KATNA1: variants seen among roughly 807,000 people sequenced by gnomAD.
The protein encoded by KATNA1 is katanin p60 ATPase-containing subunit A1.
In KATNA1, 42 loss-of-function variants were observed where a neutral mutation model predicts 62.6. The observed-to-expected ratio is 0.67, with a 90% CI of 0.52 to 0.87. The LOEUF (loss-of-function observed/expected upper bound fraction) is 0.87, where lower values mean the gene tolerates loss of function less well. Ranked by LOEUF, KATNA1 falls within the 40% of genes least tolerant of loss-of-function variation. KATNA1 has a pLI of 0.00. For missense variants in KATNA1, 498 were observed against 612.5 expected (o/e 0.81, Z 1.97); for synonymous variants, 186 against 201.9 (o/e 0.92, Z 0.67).
Position 149,623,266 on chromosome 6 carries a change from C to T in KATNA1, c.338G>A (p.Arg113Lys). The T allele has an allele frequency of 6.3e-7, 1 of 1,599,000 alleles. No homozygotes were observed. Residue 113 changes from arginine to lysine, a missense_variant, in exon 4 of 11, where the codon AGA (arginine) becomes AAA (lysine). Physicochemically the swap from Arg to Lys is conservative, Grantham distance 26 (BLOSUM62 2). Around this residue, in one of 3 missense-constraint regions of KATNA1, gnomAD observed 203 missense variants for 198.4 expected, o/e 1.02. Transcript: ENST00000367411. ...ACTGTACTGAGAAGATTGGCGTTTT[C>T]TAGGTCCTGGTGAGGGTCTAATCAA... ...PVERRPSPGP[R>K]KRQSSQYSDP...
At chr6:149,616,588 C>T (rs1252926088) in intron 4 of KATNA1, among the ~76,000 whole-genome samples, 1 of 152,090 alleles carries the variant, frequency 6.6e-6, no homozygotes, top group Non-Finnish European at 1.5e-5. Context: ...GGTGAAACCC[C>T]ATCTCTACTA....
At chr6:149,625,578 CG>C (rs1448926553) in intron 3 of KATNA1, among the ~76,000 whole-genome samples, 1 of 151,826 alleles carries the variant, frequency 6.6e-6, no homozygotes, top group African/African-American at 2.4e-5. Flanking sequence ...TGCAGTCAGC[CG>C]AGATTGCACC....
intron 3 of KATNA1, among the ~76,000 whole-genome samples, chr6:149,626,067 T>A (rs1414056446): frequency 6.6e-6 from 1 of 152,208 alleles, no homozygotes; most frequent in Non-Finnish European, 1.5e-5. Flanking sequence ...TTTCTGTGTA[T>A]GTATTTTTCC....
chr6:149,645,456 C>CAAAAAAAAAA, intron 1 of KATNA1, among the ~76,000 whole-genome samples: 1 of 123,786 alleles, frequency 8.1e-6, no homozygotes, highest in African/African-American at 3.0e-5. Flanking sequence ...AAACAAAAAA[C>CAAAAAAAAAA]AAAAAAAAAA....
chr6:149,633,420 T>G (rs1388886084), intron 2 of KATNA1, among the ~76,000 whole-genome samples: 1 of 152,042 alleles, frequency 6.6e-6, no homozygotes, highest in Non-Finnish European at 1.5e-5. Context: ...AATTGCAAAA[T>G]TAATTCTGAT....
In KATNA1 at chr6:149,643,110, G is replaced by C. The variant is rs867617083; in HGVS notation, c.-13-4550C>G. ...CTCCACAGAGTGAGCTGCCTGGGCA[G>C]AGGCTCATGTGGCAAAGAGCTGAGG... On this transcript the variant is annotated intron_variant, in intron 1 of 10. Coordinates refer to ENST00000367411, the MANE Select transcript of KATNA1 (RefSeq NM_007044.4). Among the ~76,000 whole-genome samples the C allele has an allele frequency of 5.3e-5, 8 of 152,374 alleles. No individual in the cohort carries two copies. The South Asian group carries it at 1.7e-3, about 32-fold the overall frequency.
intron 1 of KATNA1, among the ~76,000 whole-genome samples, chr6:149,643,914 C>T (rs1278865728): frequency 6.6e-6 from 1 of 151,786 alleles, no homozygotes; most frequent in African/African-American, 2.4e-5. Context: ...TCTTGAACTC[C>T]TGGGCTCAAG....
At chr6:149,636,717 T>C (rs1406745031) in intron 2 of KATNA1, among the ~76,000 whole-genome samples, 4 of 151,796 alleles carry the variant, frequency 2.6e-5, no homozygotes, top group Admixed American at 2.6e-4. Context: ...CTCGGCTCAC[T>C]GCAACCTCTG....
chr6:149,638,274 C>A, intron 2 of KATNA1, 112 bp downstream of exon 2: 1 of 1,018,196 alleles, frequency 9.8e-7, no homozygotes, highest in South Asian at 1.5e-5. Context: ...GTGTACTGTG[C>A]TCGGTAGTCA....
At chr6:149,638,129 C>G (rs1240641453) in intron 2 of KATNA1, among the ~76,000 whole-genome samples, 1 of 152,132 alleles carries the variant, frequency 6.6e-6, no homozygotes, top group Admixed American at 6.6e-5. Context: ...GCACACACCA[C>G]CACATCTGGC....
chr6:149,596,923 A>G (rs1778339044), intron 10 of KATNA1, 140 bp downstream of exon 10: 3 of 720,734 alleles, frequency 4.2e-6, no homozygotes, highest in Non-Finnish European at 6.8e-6. Flanking sequence ...CAGGAGTTTC[A>G]GGCTGCAGTA....
chr6:149,645,865 C>CAAAA (rs1277448436), intron 1 of KATNA1, among the ~76,000 whole-genome samples: 1 of 151,686 alleles, frequency 6.6e-6, no homozygotes, highest in Non-Finnish European at 1.5e-5. Flanking sequence ...GCTGTCTCTC[C>CAAAA]ACAGAGAAAG....
intron 2 of KATNA1, among the ~76,000 whole-genome samples, chr6:149,634,103 T>C (rs2114612606): frequency 1.3e-5 from 2 of 151,658 alleles, no homozygotes; most frequent in Non-Finnish European, 2.9e-5. Context: ...TGAAACCCCA[T>C]CTCTATTAAA....
chr6:149,621,346 G>A (rs1010857263), intron 4 of KATNA1, among the ~76,000 whole-genome samples: 1 of 151,518 alleles, frequency 6.6e-6, no homozygotes, highest in Non-Finnish European at 1.5e-5. Flanking sequence ...GGATGGTCTC[G>A]ATCTCCTGAC....
Position 149,599,737 on chromosome 6 carries a change from C to T in KATNA1, c.889-1387G>A, listed in dbSNP as rs200452673. 5.9e-5 allele frequency among the ~76,000 whole-genome samples: 9 copies of T among 151,940 alleles called. 1 individual carries two copies. The highest frequency in any genetic ancestry group is 1.0e-4 in the Non-Finnish European group (7 of 67,966). ...TTCATCATGTTGGCCAGGCTGGTCT[C>T]GAACTCCTGACCTCAAGTGATCTGC... On this transcript the variant is annotated intron_variant, in intron 7 of 10. Coordinates refer to ENST00000367411, the MANE Select transcript of KATNA1 (RefSeq NM_007044.4).
chr6:149,629,548 G>C (rs1303410072), intron 3 of KATNA1, among the ~76,000 whole-genome samples: 1 of 152,156 alleles, frequency 6.6e-6, no homozygotes, highest in African/African-American at 2.4e-5. Context: ...CCCAAGTGAT[G>C]ATTCTCCAGA....
At chr6:149,599,220 TA>T (rs1217286731) in intron 7 of KATNA1, among the ~76,000 whole-genome samples, 10 of 152,172 alleles carry the variant, frequency 6.6e-5, no homozygotes, top group Non-Finnish European at 1.2e-4. Flanking sequence ...AATATTTTTG[TA>T]CTTTTTCAAC....
intron 4 of KATNA1, among the ~76,000 whole-genome samples, chr6:149,619,744 G>C (rs929873867): frequency 1.3e-5 from 2 of 152,126 alleles, no homozygotes; most frequent in Admixed American, 1.3e-4. Flanking sequence ...GGGAGGAATA[G>C]GATTAATGAA....
chr6:149,605,481 A>G (rs1685586364), intron 4 of KATNA1, among the ~76,000 whole-genome samples: 1 of 152,120 alleles, frequency 6.6e-6, no homozygotes, highest in Non-Finnish European at 1.5e-5. Flanking sequence ...AATGCTCCTA[A>G]AAATATCCCT....
Sources: gnomAD v4.1 joint callset for allele counts (sites outside exome capture counted in the v4.1 genomes callset) on GRCh38, gnomAD v4.1.1 for gene constraint, gnomAD v4.1.1 regional missense constraint, MANE v1.5 for transcripts, NCBI Gene and HGNC (gene_info 2026-07-23, HGNC 2026-07-21) for gene names.